ERCC6: variants seen among roughly 807,000 people sequenced by gnomAD.
ERCC6 encodes DNA excision repair protein ERCC-6.
Under a neutral mutation model 158.7 loss-of-function variants are expected in ERCC6, and 116 were observed. That is an observed-to-expected ratio of 0.73 (90% confidence interval 0.63 to 0.85). The LOEUF (loss-of-function observed/expected upper bound fraction) is 0.85, where lower values mean the gene tolerates loss of function less well. ERCC6 is among the 40% of genes least tolerant of loss of function. The probability of loss-of-function intolerance (pLI) is 0.00; values close to 1 mark genes in which losing one functional copy is unlikely to be tolerated. For missense variants in ERCC6, 1,698 were observed against 1,799.4 expected (o/e 0.94, Z 1.02); for synonymous variants, 678 against 659.3 (o/e 1.03, Z -0.43).
chr10:49,485,366 A>G (rs1257723787), intron 8 of ERCC6, among the ~76,000 whole-genome samples: 3 of 152,232 alleles, frequency 2.0e-5, no homozygotes, highest in Admixed American at 1.3e-4. Flanking sequence ...ACCTCCTACT[A>G]AAATATAAAA....
chr10:49,452,513 C>G (rs114799264), downstream of ERCC6, among the ~76,000 whole-genome samples: 1,130 of 152,160 alleles, frequency 7.4e-3, 13 homozygotes, highest in African/African-American at 0.025. Context: ...AAGGCCTATC[C>G]TGAAGAATGT....
At chr10:49,526,654 C>T (rs1837347418) in intron 4 of ERCC6, among the ~76,000 whole-genome samples, 1 of 152,154 alleles carries the variant, frequency 6.6e-6, no homozygotes. Flanking sequence ...GAGTATTTTG[C>T]TTCCTATTAA....
chr10:49,526,121 A>ATATTTATATATT (rs1837329343), intron 4 of ERCC6, among the ~76,000 whole-genome samples: 1 of 9,162 alleles, frequency 1.1e-4, no homozygotes, highest in African/African-American at 3.3e-4. Flanking sequence ...ATATTTTTAT[A>ATATTTATATATT]TATATATATA....
chr10:49,474,144 T>C lies in ERCC6; in HGVS notation c.2481A>G (p.Leu827=), dbSNP rs1273811574. Residue 827 remains leucine (L), a synonymous_variant, in exon 13 of 21, where the codon CTA becomes CTG. Transcript: ENST00000355832. Reference sequence around the variant, plus strand: ...TCCAGTACCCAAACTGATCTTCTTCTAGTTCATCATCAGGAAGACCTTTGA... The same window carrying C: ...TCCAGTACCCAAACTGATCTTCTTCCAGTTCATCATCAGGAAGACCTTTGA... ...KNLKGLPDDE[L]EEDQFGYWKR... 9 of 1,614,138 alleles carry C rather than the reference T, an allele frequency of 5.6e-6. No individual in the cohort carries two copies. The highest frequency in any genetic ancestry group is 7.6e-6 in the Non-Finnish European group (9 of 1,180,008).
intron 16 of ERCC6, 79 bp downstream of exon 16, chr10:49,472,297 T>C (rs1233192914): frequency 3.9e-6 from 5 of 1,285,532 alleles, no homozygotes; most frequent in Non-Finnish European, 4.5e-6. Flanking sequence ...TTAAGACTTT[T>C]AAAAACAACA....
rs1209066771 is a variant in ERCC6 at position 49,524,041 on chromosome 10, C to A, written c.1389G>T (p.Gln463His). The change falls in exon 5 of 21, where the codon CAG becomes CAT. Residue 463 changes from glutamine (Q) to histidine (H), a missense_variant. Gln to His is a conservative substitution (Grantham distance 24). Transcript: ENST00000355832. ...RDDGDEDYYK[Q>H]RLRRWNKLRL... is the part of the protein sequence containing the mutation. ...AATCCCCACAGACCGACCTTAACCG[C>A]TGCTTATAATAATCTTCATCTCCAT... 4 of 1,613,448 alleles carry A rather than the reference C, an allele frequency of 2.5e-6. No individual in the cohort carries two copies. Among genetic ancestry groups the A allele is most frequent in the Non-Finnish European group, 3.4e-6 (4 of 1,180,002 alleles).
At chr10:49,454,257 T>G (rs1253765601), downstream of ERCC6, among the ~76,000 whole-genome samples, 2 of 152,232 alleles carry the variant, frequency 1.3e-5, no homozygotes, top group East Asian at 3.8e-4. Context: ...TTTTCCTTAT[T>G]ATAGTTTTTA....
intron 5 of ERCC6, among the ~76,000 whole-genome samples, chr10:49,519,381 T>C (rs1837084702): frequency 6.6e-6 from 1 of 152,192 alleles, no homozygotes; most frequent in Non-Finnish European, 1.5e-5. Flanking sequence ...GAATGACATG[T>C]AGAAAATAAA....
chr10:49,529,758 T>C (rs927261720), intron 3 of ERCC6, among the ~76,000 whole-genome samples: 3 of 152,098 alleles, frequency 2.0e-5, no homozygotes, highest in Admixed American at 1.3e-4. Context: ...TAAGCACAAG[T>C]TGGGATGGCA....
At position 49,538,982 on chromosome 10, in the gene ERCC6, A is replaced by G. The variant is rs1262483912; in HGVS notation, c.-35T>C. On this transcript the variant is annotated 5_prime_UTR_variant, in exon 1 of 21. Coordinates refer to ENST00000355832, the MANE Select transcript of ERCC6 (RefSeq NM_000124.4). ...CTCACCCAGGGCCGCGCGAGCGCCC[A>G]CAAGGAAACAGAGACGCTACCGCCG... 1 of 152,638 alleles carries G rather than the reference A, an allele frequency of 6.6e-6. No homozygotes were observed. The highest frequency in any genetic ancestry group is 1.5e-5 in the Non-Finnish European group (1 of 68,398). The allele number at this position is 152,638 out of a possible 1,614,324, so 9.5% of individuals were successfully genotyped here.
In ERCC6 at chr10:49,458,515, G is replaced by A; in HGVS notation, c.*300C>T. 2.8e-6 allele frequency: 1 copy of A among 353,076 alleles called. No homozygotes were observed. The highest frequency in any genetic ancestry group is 5.3e-6 in the Non-Finnish European group (1 of 189,512). The allele number at this position is 353,076 out of a possible 1,614,324, so 21.9% of individuals were successfully genotyped here. A position where few individuals can be genotyped will look rare whatever the true frequency, so the allele number is the denominator to read the frequency against. On this transcript the variant is annotated 3_prime_UTR_variant, in exon 21 of 21. Coordinates refer to ENST00000355832, the MANE Select transcript of ERCC6 (RefSeq NM_000124.4). ...CTGTGCTCCCTGACAGCATCTTTTG[G>A]GTAAAGGAACAAATGTGCTCCAAGG...
chr10:49,524,026 GACCGACCTTA>G lies in ERCC6; in HGVS notation c.1394_1397+6del. 6.2e-7 allele frequency: 1 copy of G among 1,612,796 alleles called. No homozygotes were observed. The highest frequency in any genetic ancestry group is 8.5e-7 in the Non-Finnish European group (1 of 1,179,952). ...GTACAATGTATTTATAATCCCCACA[GACCGACCTTA>G]ACCGCTGCTTATAATAATCTTCATC... On this transcript the variant is annotated splice_donor_variant and splice_donor_5th_base_variant and coding_sequence_variant and intron_variant, in exon 5 of 21. Coordinates refer to ENST00000355832, the MANE Select transcript of ERCC6 (RefSeq NM_000124.4). LOFTEE classifies it high-confidence loss of function.
In ERCC6 at chr10:49,528,312, T is replaced by C. The variant is rs1452688964; in HGVS notation, c.652+105A>G. 1.1e-5 allele frequency: 15 copies of C among 1,365,198 alleles called. No individual in the cohort carries two copies. The East Asian group carries it at 2.1e-4, about 19-fold the overall frequency. 84.6% of individuals were successfully genotyped at this position (1,365,198 alleles called of 1,614,324 possible). On this transcript the variant is annotated intron_variant, in intron 4 of 20. Transcript: ENST00000355832. ...GTTTTGACACTAAGGCAAAGAAACG[T>C]ATTTTTCTCAAAACCCAGGCAAAGA...
At position 49,457,942 on chromosome 10, in the gene ERCC6, G is replaced by A. The variant is rs1850510920; in HGVS notation, c.*873C>T. ...GCAAGACGAAGGCAACTGGAGAGAAGACAGCCTGCCAGCCTGCAGACAAGA... is the reference window on the plus strand; with the variant it reads ...GCAAGACGAAGGCAACTGGAGAGAAAACAGCCTGCCAGCCTGCAGACAAGA... On this transcript the variant is annotated 3_prime_UTR_variant, in exon 21 of 21. Transcript: ENST00000355832. 1.3e-5 allele frequency: 2 copies of A among 152,266 alleles called. No individual in the cohort carries two copies. The highest frequency in any genetic ancestry group is 4.8e-5 in the African/African-American group (2 of 41,452). 9.4% of individuals were successfully genotyped at this position (152,266 alleles called of 1,614,324 possible). A position where few individuals can be genotyped will look rare whatever the true frequency, so the allele number is the denominator to read the frequency against.
intron 7 of ERCC6, among the ~76,000 whole-genome samples, chr10:49,494,714 A>G (rs1851235278): frequency 6.6e-6 from 1 of 152,216 alleles, no homozygotes; most frequent in Non-Finnish European, 1.5e-5. Context: ...AAGACTGACC[A>G]ACTTTGTAAG....
intron 19 of ERCC6, among the ~76,000 whole-genome samples, chr10:49,460,866 G>C (rs1269719170): frequency 6.6e-6 from 1 of 151,986 alleles, no homozygotes; most frequent in Non-Finnish European, 1.5e-5. Flanking sequence ...TCCAGCCCGG[G>C]CGAAAGGGCG....
At chr10:49,471,254 C>G (rs1564729738) in intron 16 of ERCC6, 134 bp from the exon 17 acceptor site, 2 of 846,772 alleles carry the variant, frequency 2.4e-6, no homozygotes, top group Non-Finnish European at 1.9e-6. Context: ...AACTTTCAGC[C>G]TTGGAAAATT....
rs183472492 is a variant in ERCC6, at chr10:49,455,095, A to G, written c.*3720T>C. On this transcript the variant is annotated 3_prime_UTR_variant, in exon 21 of 21. Transcript: ENST00000355832. ...ATTTTAAAACTTCCGTATGATAAACATCACAAAATAGATATGTGAATATGC... is the reference window on the plus strand; with the variant it reads ...ATTTTAAAACTTCCGTATGATAAACGTCACAAAATAGATATGTGAATATGC... Among the ~76,000 whole-genome samples the G allele has an allele frequency of 3.0e-4, 45 of 152,302 alleles. No individual in the cohort carries two copies. Among genetic ancestry groups the G allele is most frequent in the Non-Finnish European group, 5.7e-4 (39 of 68,018 alleles).
Position 49,470,581 on chromosome 10 carries a change from C to G in ERCC6, c.3379G>C (p.Gly1127Arg), listed in dbSNP as rs1336304781. 6.2e-7 allele frequency: 1 copy of G among 1,614,084 alleles called. No homozygotes were observed. Among genetic ancestry groups the G allele is most frequent in the Admixed American group, 1.7e-5 (1 of 60,018 alleles). Residue 1127 changes from glycine (G) to arginine (R), a missense_variant, in exon 18 of 21, where the codon GGG becomes CGG. Physicochemically the swap from Gly to Arg is moderately radical, Grantham distance 125 (BLOSUM62 -2). Coordinates refer to ENST00000355832, the MANE Select transcript of ERCC6 (RefSeq NM_000124.4). ...PEELSVISGN[G>R]ECSNSSGTGK... ...GTTCCTGAAGAATTTGAACATTCCC[C>G]ATTTCCACTAATCACTGACAACTCT...
Sources: allele counts gnomAD v4.1 joint callset (sites outside exome capture counted in the v4.1 genomes callset), GRCh38; gene constraint gnomAD v4.1.1; transcripts MANE v1.5; gene names NCBI Gene and HGNC (gene_info 2026-07-23, HGNC 2026-07-21).